The following MYO1D variants were observed in gnomAD, a reference collection of about 807,000 sequenced individuals.
The protein encoded by MYO1D is myosin ID, also known as unconventional myosin-Id.
MYO1D carries 83 observed loss-of-function variants against 122.0 expected under a neutral mutation model. The observed-to-expected ratio is 0.68, with a 90% CI of 0.57 to 0.82. MYO1D has a LOEUF of 0.82. MYO1D is among the 40% of genes least tolerant of loss of function. MYO1D has a pLI of 0.00. For synonymous variants in MYO1D, 464 were observed against 446.9 expected, an observed-to-expected ratio of 1.04 and a Z score of -0.48; for missense variants, 1,157 against 1,269.5, an observed-to-expected ratio of 0.91 and a Z score of 1.35.
intron 14 of MYO1D, among the ~76,000 whole-genome samples, 183 bp downstream of exon 14, chr17:32,738,070 A>C (rs1166093161): frequency 6.6e-6 from 1 of 152,228 alleles, no homozygotes; most frequent in Admixed American, 6.5e-5. Context: ...GGACACCAAC[A>C]ATCGTTCCAC....
At chr17:32,672,563 G>A (rs900774420) in intron 16 of MYO1D, among the ~76,000 whole-genome samples, 1 of 151,988 alleles carries the variant, frequency 6.6e-6, no homozygotes, top group Non-Finnish European at 1.5e-5. Context: ...TCAGCTCACT[G>A]CCACCTCCAA....
At chr17:32,525,600 G>A (rs1204675803) in intron 21 of MYO1D, among the ~76,000 whole-genome samples, 1 of 152,168 alleles carries the variant, frequency 6.6e-6, no homozygotes. Context: ...AAAAGGCCGA[G>A]AAGCGATCAG....
At chr17:32,552,455 TCC>T (rs2087026806) in intron 21 of MYO1D, among the ~76,000 whole-genome samples, 4 of 86,642 alleles carry the variant, frequency 4.6e-5, no homozygotes, top group Non-Finnish European at 8.2e-5. Flanking sequence ...CATCCATCCA[TCC>T]ATCCATTCAT....
intron 21 of MYO1D, among the ~76,000 whole-genome samples, chr17:32,584,639 C>T (rs2087370543): frequency 6.6e-6 from 1 of 151,972 alleles, no homozygotes; most frequent in South Asian, 2.1e-4. Context: ...ACTACAGGTG[C>T]ATGCCACCAC....
intron 11 of MYO1D, among the ~76,000 whole-genome samples, chr17:32,752,314 C>T (rs2089906432): frequency 6.6e-6 from 1 of 152,122 alleles, no homozygotes. Context: ...AAACCTGAAG[C>T]TATAAAAATC....
At chr17:32,507,558 A>G (rs2150857005) in intron 21 of MYO1D, among the ~76,000 whole-genome samples, 1 of 152,378 alleles carries the variant, frequency 6.6e-6, no homozygotes, top group South Asian at 2.1e-4. Context: ...AGCATCACAT[A>G]GAAACCATCT....
chr17:32,749,515 GAGACCAGTAGTTCA>G, intron 11 of MYO1D, among the ~76,000 whole-genome samples: 1 of 152,178 alleles, frequency 6.6e-6, no homozygotes, highest in African/African-American at 2.4e-5. Flanking sequence ...CAGATTGCTT[GAGACCAGTAGTTCA>G]AGACCAGCCT....
In MYO1D at chr17:32,755,646, T is replaced by C; in HGVS notation, c.1313A>G (p.Asn438Ser). Residue 438 changes from asparagine (N) to serine (S), a missense_variant, in exon 11 of 22, where the codon AAT becomes AGT. Coordinates refer to ENST00000318217, the MANE Select transcript of MYO1D (RefSeq NM_015194.3). ...CTCCACGAGGTCAACAATGATCTGA[T>C]TGTTGAAGTAGTCAATCTGTAGGAC... ...IPWKHIDYFN[N>S]QIIVDLVEQQ... 3.7e-6 allele frequency: 6 copies of C among 1,613,416 alleles called. No individual in the cohort carries two copies. Among genetic ancestry groups the C allele is most frequent in the Non-Finnish European group, 5.1e-6 (6 of 1,179,608 alleles).
intron 14 of MYO1D, among the ~76,000 whole-genome samples, chr17:32,722,478 C>A (rs1298706858): frequency 6.6e-6 from 1 of 152,208 alleles, no homozygotes; most frequent in African/African-American, 2.4e-5. Flanking sequence ...GGCCCCCTTC[C>A]ATCTTCAAAG....
intron 21 of MYO1D, among the ~76,000 whole-genome samples, chr17:32,551,383 C>T (rs1018744642): frequency 1.3e-5 from 2 of 152,160 alleles, no homozygotes; most frequent in African/African-American, 2.4e-5. Context: ...TTAGGCTAAC[C>T]GGCTAGACAA....
At position 32,824,563 on chromosome 17, in the gene MYO1D, T is replaced by C. The variant is rs565657484; in HGVS notation, c.96-43779A>G. Reference sequence around the variant, plus strand: ...GTATCTCATTTAATCCTCACAACCCTGTTAAGGAGCAAATAATTACCCCTA... The same window carrying C: ...GTATCTCATTTAATCCTCACAACCCCGTTAAGGAGCAAATAATTACCCCTA... On this transcript the variant is annotated intron_variant, in intron 1 of 21. Coordinates refer to ENST00000318217, the MANE Select transcript of MYO1D (RefSeq NM_015194.3). 1.4e-4 allele frequency among the ~76,000 whole-genome samples: 22 copies of C among 152,310 alleles called. 1 individual carries two copies. Among genetic ancestry groups the C allele is most frequent in the African/African-American group, 5.3e-4 (22 of 41,556 alleles).
At chr17:32,665,954 CTTTCA>C (rs1327894207) in intron 16 of MYO1D, among the ~76,000 whole-genome samples, 4 of 152,170 alleles carry the variant, frequency 2.6e-5, no homozygotes, top group Non-Finnish European at 4.4e-5. Context: ...AGTGTCTATA[CTTTCA>C]TTTAATATCC....
chr17:32,608,397 G>A (rs555737179), intron 20 of MYO1D, among the ~76,000 whole-genome samples: 1 of 152,306 alleles, frequency 6.6e-6, no homozygotes, highest in South Asian at 2.1e-4. Flanking sequence ...GCAGCCATTA[G>A]GGAAATGCAA....
At position 32,742,135 on chromosome 17, in the gene MYO1D, A is replaced by G. The variant is rs141933908; in HGVS notation, c.1613+3076T>C. 4.4e-3 allele frequency among the ~76,000 whole-genome samples: 666 copies of G among 152,328 alleles called. 4 individuals are homozygous for G. Among genetic ancestry groups the G allele is most frequent in the Non-Finnish European group, 6.6e-3 (448 of 68,038 alleles). ...TCTCTAAACAATACAACAACTATTT[A>G]CATAGCACTTACATTTCATTAGGTT... On this transcript the variant is annotated intron_variant, in intron 13 of 21. Transcript: ENST00000318217.
In MYO1D at chr17:32,521,821, C is replaced by T. The variant is rs147196634; in HGVS notation, c.2865-26906G>A. ...AAATTAGGCCAGGCGCGGTGGCTCACGCCTGTAATCCCCGCACTTTGGGAG... is the reference window on the plus strand; with the variant it reads ...AAATTAGGCCAGGCGCGGTGGCTCATGCCTGTAATCCCCGCACTTTGGGAG... On this transcript the variant is annotated intron_variant, in intron 21 of 21. Transcript: ENST00000318217. Among the ~76,000 whole-genome samples, 189 of 152,256 alleles carry T rather than the reference C, an allele frequency of 1.2e-3. 1 individual carries two copies. The highest frequency in any genetic ancestry group is 4.4e-3 in the African/African-American group (183 of 41,554).
rs368077916 is a variant in MYO1D at position 32,771,247 on chromosome 17, T to A, written c.619-27A>T. 5.9e-6 allele frequency: 9 copies of A among 1,526,098 alleles called. 1 individual carries two copies. The Admixed American group carries it at 6.8e-5, about 11-fold the overall frequency. 94.5% of individuals were successfully genotyped at this position (1,526,098 alleles called of 1,614,324 possible). ...TGAAAAATATTTAATTAGAAATAAA[T>A]TGGCCAGACATACATTGAACCAAAC... On this transcript the variant is annotated intron_variant, in intron 5 of 21. Coordinates refer to ENST00000318217, the MANE Select transcript of MYO1D (RefSeq NM_015194.3).
intron 1 of MYO1D, among the ~76,000 whole-genome samples, chr17:32,850,349 A>G (rs2090975391): frequency 6.6e-6 from 1 of 152,202 alleles, no homozygotes; most frequent in African/African-American, 2.4e-5. Flanking sequence ...TGATACTTAA[A>G]TGGACAATTG....
chr17:32,508,424 C>T (rs1909574300), intron 21 of MYO1D, among the ~76,000 whole-genome samples: 1 of 151,812 alleles, frequency 6.6e-6, no homozygotes, highest in African/African-American at 2.4e-5. Flanking sequence ...AACAGGCGCA[C>T]ACCACCACGC....
At chr17:32,865,541 T>C (rs2091116386) in intron 1 of MYO1D, among the ~76,000 whole-genome samples, 1 of 152,236 alleles carries the variant, frequency 6.6e-6, no homozygotes, top group Non-Finnish European at 1.5e-5. Context: ...TATCCATCTA[T>C]TCCAGGAGGT....
Sources: gnomAD v4.1 joint callset for allele counts (sites outside exome capture counted in the v4.1 genomes callset) on GRCh38, gnomAD v4.1.1 for gene constraint, MANE v1.5 for transcripts, NCBI Gene and HGNC (gene_info 2026-07-23, HGNC 2026-07-21) for gene names.